Variants in TTC3 observed in about 807,000 individuals in gnomAD.
TTC3 encodes the protein tetratricopeptide repeat domain 3.
Under a neutral mutation model 249.6 loss-of-function variants are expected in TTC3, and 180 were observed. The observed-to-expected ratio is 0.72, with a 90% CI of 0.64 to 0.82. The LOEUF (loss-of-function observed/expected upper bound fraction) is 0.82. Ranked by LOEUF, TTC3 falls within the 40% of genes least tolerant of loss-of-function variation. The pLI is 0.00. For synonymous variants in TTC3, 717 were observed against 805.0 expected (o/e 0.89, Z 1.85); for missense variants, 2,061 against 2,398.4 (o/e 0.86, Z 2.94).
chr21:37,150,973 A>G, intron 25 of TTC3, 89 bp downstream of exon 25: 1 of 971,630 alleles, frequency 1.0e-6, no homozygotes, highest in Non-Finnish European at 1.6e-6. Context: ...ATGCCTTTTT[A>G]AAAATTGGCT....
chr21:37,156,186 A>G (rs2080056999), intron 27 of TTC3, among the ~76,000 whole-genome samples: 1 of 143,232 alleles, frequency 7.0e-6, no homozygotes, highest in Non-Finnish European at 1.5e-5. Context: ...ACAGGCATTT[A>G]CCACCATGCC....
chr21:37,196,422 A>C lies in TTC3; in HGVS notation c.5579+386A>C, dbSNP rs558454957. 5.3e-5 allele frequency among the ~76,000 whole-genome samples: 8 copies of C among 152,254 alleles called. No homozygotes were observed. The South Asian group carries it at 1.7e-3, about 32-fold the overall frequency. On this transcript the variant is annotated intron_variant, in intron 42 of 45. Transcript: ENST00000355666. ...TGGCTAATTTTTGTATTTTTAGTAC[A>C]GGTGGGGTTTCACCATGTTGGCCAG...
At chr21:37,158,807 T>C (rs1233991649) in intron 28 of TTC3, among the ~76,000 whole-genome samples, 1 of 152,180 alleles carries the variant, frequency 6.6e-6, no homozygotes, top group Non-Finnish European at 1.5e-5. Context: ...GAGTATAACT[T>C]GTTTGTCATC....
At chr21:37,083,085 A>G in intron 1 of TTC3, 1 of 985,444 alleles carries the variant, frequency 1.0e-6, no homozygotes, top group Non-Finnish European at 1.2e-6. Context: ...AGACATGGGC[A>G]GGGTGCTCTT....
intron 1 of TTC3, chr21:37,086,188 G>A (rs1165167403): frequency 6.6e-6 from 1 of 152,184 alleles, no homozygotes; most frequent in Non-Finnish European, 1.5e-5. Context: ...TAAATAAATA[G>A]ATTTGAACTT....
At chr21:37,118,550 C>T (rs566790939) in intron 11 of TTC3, among the ~76,000 whole-genome samples, 22 of 152,194 alleles carry the variant, frequency 1.4e-4, no homozygotes, top group Admixed American at 5.9e-4. Context: ...TTTTGAGGGG[C>T]GCATTAGGAC....
intron 42 of TTC3, among the ~76,000 whole-genome samples, chr21:37,196,777 G>A (rs2084958609): frequency 6.6e-6 from 1 of 152,214 alleles, no homozygotes; most frequent in Non-Finnish European, 1.5e-5. Context: ...CCTCTGATTT[G>A]TTAGAGTGTG....
chr21:37,159,630 G>A, intron 28 of TTC3, 69 bp from the exon 29 acceptor site: 1 of 1,496,708 alleles, frequency 6.7e-7, no homozygotes, highest in Non-Finnish European at 9.2e-7. Flanking sequence ...GTTATTTTAA[G>A]GCTTTAGTGT....
rs1176121344 is a variant in TTC3, at chr21:37,191,359, G to T, written c.5050G>T (p.Glu1684Ter). 6.3e-7 allele frequency: 1 copy of T among 1,587,948 alleles called. No homozygotes were observed. Among genetic ancestry groups the T allele is most frequent in the East Asian group, 2.3e-5 (1 of 43,402 alleles). ...TGATCCTGCAGCATATCCTGACATG[G>T]AGTCTGATATACGTTCATGGGAATT... Residue 1684 changes from glutamate (E) to a stop codon, truncating the protein, a stop_gained, in exon 40 of 46, where the codon GAG becomes TAG. Coordinates refer to ENST00000355666, the Ensembl canonical transcript of TTC3. LOFTEE classifies it high-confidence loss of function.
intron 33 of TTC3, 30 bp downstream of exon 33, chr21:37,166,645 T>C (rs774967184): frequency 2.7e-5 from 41 of 1,546,572 alleles, no homozygotes; most frequent in Non-Finnish European, 1.7e-5. Flanking sequence ...GTCTTCTTAA[T>C]ACTGAAGTTA....
chr21:37,128,158 G>A (rs1161131283), intron 15 of TTC3, among the ~76,000 whole-genome samples: 2 of 152,106 alleles, frequency 1.3e-5, no homozygotes, highest in African/African-American at 4.8e-5. Flanking sequence ...CAAAGCCCAG[G>A]CTCTCATTCC....
intron 4 of TTC3, 44 bp downstream of exon 4, chr21:37,088,390 C>CAGT (rs2072799620): frequency 1.3e-6 from 2 of 1,570,194 alleles, no homozygotes; most frequent in African/African-American, 2.7e-5. Context: ...CAGTGATAAA[C>CAGT]ATGTTACCCA....
chr21:37,124,167 G>C lies in TTC3; in HGVS notation c.1110-452G>C, dbSNP rs552532971. On this transcript the variant is annotated intron_variant, in intron 13 of 45. Coordinates refer to ENST00000355666, the Ensembl canonical transcript of TTC3. ...GTCTCCCTCTGTCACCTAGGCTGGAGTGCAGTGGCACGATCTTGGGTCACT... is the reference window on the plus strand; with the variant it reads ...GTCTCCCTCTGTCACCTAGGCTGGACTGCAGTGGCACGATCTTGGGTCACT... Among the ~76,000 whole-genome samples, 47 of 124,162 alleles carry C rather than the reference G, an allele frequency of 3.8e-4. 1 individual carries two copies. The South Asian group carries it at 0.012, about 32-fold the overall frequency. The allele number at this position is 124,162 out of a possible 152,430, so 81.5% of individuals were successfully genotyped here.
intron 1 of TTC3, among the ~76,000 whole-genome samples, chr21:37,085,471 G>T (rs190059818): frequency 4.1e-4 from 62 of 152,328 alleles, no homozygotes; most frequent in African/African-American, 1.3e-3. Flanking sequence ...AACTGACAGT[G>T]AATGAGAATG....
At chr21:37,145,253 A>T (rs917152428) in intron 21 of TTC3, among the ~76,000 whole-genome samples, 1 of 152,208 alleles carries the variant, frequency 6.6e-6, no homozygotes, top group Non-Finnish European at 1.5e-5. Context: ...TTTTGGCTGA[A>T]GCTTTTAAAA....
chr21:37,138,157 CACTT>C (rs1425182977), intron 18 of TTC3, among the ~76,000 whole-genome samples: 1 of 152,174 alleles, frequency 6.6e-6, no homozygotes, highest in East Asian at 1.9e-4. Flanking sequence ...TGCTACTACA[CACTT>C]AATAAACTAC....
chr21:37,177,447 C>T (rs28575033), intron 35 of TTC3, among the ~76,000 whole-genome samples: 7,656 of 152,236 alleles, frequency 0.05, 283 homozygotes, highest in Middle Eastern at 0.075. Context: ...CTATGAATGC[C>T]ATCCCTCCAC....
intron 11 of TTC3, among the ~76,000 whole-genome samples, chr21:37,120,396 A>C (rs527844315): frequency 4.0e-4 from 61 of 152,324 alleles, no homozygotes; most frequent in African/African-American, 1.3e-3. Flanking sequence ...AAAGGTGAGA[A>C]AAGTATGGAG....
intron 18 of TTC3, among the ~76,000 whole-genome samples, chr21:37,137,141 C>T (rs2147943120): frequency 6.6e-6 from 1 of 152,276 alleles, no homozygotes; most frequent in South Asian, 2.1e-4. Context: ...TGTACATGTA[C>T]AAGGAGATGA....
Sources: gnomAD v4.1 joint callset for allele counts (sites outside exome capture counted in the v4.1 genomes callset) on GRCh38, gnomAD v4.1.1 for gene constraint, MANE v1.5 for transcripts, NCBI Gene and HGNC (gene_info 2026-07-23, HGNC 2026-07-21) for gene names.